The following SALL2 variants were observed in gnomAD, a reference collection of about 807,000 sequenced individuals.
The protein encoded by SALL2 is sal-like protein 2.
In SALL2, 32 loss-of-function variants were observed where a neutral mutation model predicts 58.5. The ratio of observed to expected loss-of-function variants is 0.55; its 90% CI spans 0.41 to 0.74. The LOEUF (loss-of-function observed/expected upper bound fraction) is 0.74. Ranked by LOEUF, SALL2 falls within the 30% of genes least tolerant of loss-of-function variation. SALL2 has a pLI of 0.00. For synonymous variants in SALL2, 516 were observed against 513.6 expected (o/e 1.00, Z -0.06); for missense variants, 1,201 against 1,268.9 (o/e 0.95, Z 0.81).
rs753233714 is a variant in SALL2 at position 21,523,498 on chromosome 14, C to T, written c.2224G>A (p.Gly742Arg). The change falls in exon 2 of 2, where the codon GGG (glycine) becomes AGG (arginine). Residue 742 changes from glycine to arginine, a missense_variant. By Grantham distance (125) the Gly-to-Arg change is moderately radical. Transcript: ENST00000537235. The surrounding 1 kb of genome is among the most constrained non-coding windows in gnomAD (Gnocchi z 4.4). ...TGCTGCTGGGGGAAACTCCGTGCCC[C>T]GGAGACTGTAGATTGCTCGGAGCCA... ...ENGSEQSTVS[G>R]ARSFPQQQSQ... The T allele has an allele frequency of 1.6e-5, 26 of 1,614,100 alleles. No individual in the cohort carries two copies. Among genetic ancestry groups the T allele is most frequent in the East Asian group, 8.9e-5 (4 of 44,896 alleles).
upstream of SALL2, chr14:21,526,468 G>C (rs1396022462): frequency 7.7e-7 from 1 of 1,294,060 alleles, no homozygotes; most frequent in Non-Finnish European, 9.9e-7. Context: ...CAGAGCTCGG[G>C]AGAGTTTCCG....
upstream of SALL2, among the ~76,000 whole-genome samples, chr14:21,529,886 T>A (rs1566516632): frequency 6.6e-6 from 1 of 152,168 alleles, no homozygotes; most frequent in Non-Finnish European, 1.5e-5. Flanking sequence ...CAGGCATTAG[T>A]TTGATAAAGC....
At chr14:21,531,798 C>T (rs888339900) in intron 1 of SALL2, among the ~76,000 whole-genome samples, 7 of 150,204 alleles carry the variant, frequency 4.7e-5, no homozygotes, top group Admixed American at 6.7e-5. Flanking sequence ...GGTGTGATCT[C>T]GGCTCACTGC....
In SALL2 at chr14:21,522,638, G is replaced by C. The variant is rs1018987788; in HGVS notation, c.*66C>G. 1.3e-6 allele frequency: 2 copies of C among 1,495,710 alleles called. No individual in the cohort carries two copies. Among genetic ancestry groups the C allele is most frequent in the Non-Finnish European group, 1.8e-6 (2 of 1,124,074 alleles). The allele number at this position is 1,495,710 out of a possible 1,614,324, so 92.7% of individuals were successfully genotyped here. On this transcript the variant is annotated 3_prime_UTR_variant, in exon 2 of 2. Coordinates refer to ENST00000537235, the MANE Select transcript of SALL2 (RefSeq NM_001364564.1). ...GACAAAATCAGGGCTCATAACTCTGGGAGGTCCTTTTGTGAAGCTGTTTCT... is the reference window on the plus strand; with the variant it reads ...GACAAAATCAGGGCTCATAACTCTGCGAGGTCCTTTTGTGAAGCTGTTTCT...
rs1398811580 is a variant in SALL2, at chr14:21,522,779, G to T, written c.2943C>A (p.Val981=). The part of the protein sequence containing the change: ...GPQNIAALSL[V]PGCSPSITST... ...AGGTGATGGAAGGCGAACAGCCAGG[G>T]ACTAGAGAAAGAGCAGCAATATTCT... The change falls in exon 2 of 2, where the codon GTC becomes GTA. Residue 981 remains valine (V), a synonymous_variant. Coordinates refer to ENST00000537235, the MANE Select transcript of SALL2 (RefSeq NM_001364564.1). 3.1e-6 allele frequency: 5 copies of T among 1,590,610 alleles called. No homozygotes were observed. The highest frequency in any genetic ancestry group is 1.8e-5 in the Admixed American group (1 of 56,196).
At position 21,522,706 on chromosome 14, in the gene SALL2, A is replaced by G. The variant is rs1594455663; in HGVS notation, c.3016T>C (p.Ter1006ArgextTer28). The G allele has an allele frequency of 2.0e-6, 3 of 1,518,216 alleles. No homozygotes were observed. Among genetic ancestry groups the G allele is most frequent in the Non-Finnish European group, 1.8e-6 (2 of 1,134,492 alleles). The allele number at this position is 1,518,216 out of a possible 1,614,324, so 94.0% of individuals were successfully genotyped here. Residue 1006 changes from the stop codon to arginine, a stop_lost, in exon 2 of 2, where the codon TGA becomes CGA. Transcript: ENST00000537235. ...FPRKDDPTIP* is the reference protein window; with the variant it reads ...FPRKDDPTIPR ...GCAGCAGGTACAGAAAAACAGGCTC[A>G]TGGGATCGTGGGGTCATCTTTTCGG...
At chr14:21,535,006 C>A (rs563609991) in intron 1 of SALL2, among the ~76,000 whole-genome samples, 1 of 152,080 alleles carries the variant, frequency 6.6e-6, no homozygotes, top group South Asian at 2.1e-4. Context: ...CAATTTTAGT[C>A]GCCACCAATA....
chr14:21,523,087 G>C lies in SALL2; in HGVS notation c.2635C>G (p.Pro879Ala). The C allele has an allele frequency of 1.2e-6, 2 of 1,614,104 alleles. No individual in the cohort carries two copies. The highest frequency in any genetic ancestry group is 1.7e-6 in the Non-Finnish European group (2 of 1,180,010). The change falls in exon 2 of 2, where the codon CCA (proline) becomes GCA (alanine). Residue 879 changes from proline to alanine, a missense_variant. Physicochemically the swap from Pro to Ala is conservative, Grantham distance 27. Around this residue, in one of 3 missense-constraint regions of SALL2, gnomAD observed 675 missense variants for 683.8 expected, o/e 0.99. Coordinates refer to ENST00000537235, the MANE Select transcript of SALL2 (RefSeq NM_001364564.1). This position sits in a 1 kb window ranked among gnomAD's most constrained non-coding sequence, Gnocchi z 4.4. ...RSSSPASALT[P>A]EGEATSVTLV... is the part of the protein sequence containing the mutation. ...GTCACGCTGGTGGCTTCCCCTTCTG[G>C]GGTGAGTGCTGATGCCGGACTTGAG... is the stretch of plus-strand genomic sequence containing the variant.
At position 21,525,976 on chromosome 14, in the gene SALL2, T is replaced by G; in HGVS notation, c.67+85A>C. The G allele has an allele frequency of 1.6e-6, 2 of 1,257,872 alleles. No homozygotes were observed. The highest frequency in any genetic ancestry group is 2.2e-6 in the Non-Finnish European group (2 of 894,328). 77.9% of individuals were successfully genotyped at this position (1,257,872 alleles called of 1,614,324 possible). On this transcript the variant is annotated intron_variant, in intron 1 of 1. Transcript: ENST00000537235. The surrounding 1 kb of genome is among the most constrained non-coding windows in gnomAD (Gnocchi z 4.4). ...GGGCCTACGCAGAGAATCATGCATT[T>G]TCTCCCACCCACCGAAAGTCTTCGC...
rs1892271244 is a variant in SALL2, at chr14:21,525,628, G to A, written c.94C>T (p.Gln32Ter). Residue 32 changes from glutamine to a stop codon, truncating the protein, a stop_gained, in exon 2 of 2, where the codon CAA becomes TAA. Coordinates refer to ENST00000537235, the MANE Select transcript of SALL2 (RefSeq NM_001364564.1). LOFTEE classifies it high-confidence loss of function. The surrounding 1 kb of genome is among the most constrained non-coding windows in gnomAD (Gnocchi z 4.4). ...TGTGCGCAGCACTTGGCACAGACTT[G>A]GGGGTGATCCTCCTCGCTAGCATCA... Reference protein sequence around the residue: ...GGDASEEDHPQVCAKCCAQFT... With the variant: ...GGDASEEDHP 6.3e-7 allele frequency: 1 copy of A among 1,590,400 alleles called. No homozygotes were observed. Among genetic ancestry groups the A allele is most frequent in the Admixed American group, 1.7e-5 (1 of 58,328 alleles).
In SALL2 at chr14:21,526,232, C is replaced by T. The variant is rs994434856; in HGVS notation, c.-105G>A. On this transcript the variant is annotated 5_prime_UTR_variant, in exon 1 of 2. Coordinates refer to ENST00000537235, the MANE Select transcript of SALL2 (RefSeq NM_001364564.1). ...TGCGGCAGCCTCTGCACCCAGCGGC[C>T]CAGACTGCGGAGATGGAGATCGGCA... 2 of 1,481,826 alleles carry T rather than the reference C, an allele frequency of 1.3e-6. No homozygotes were observed. Among genetic ancestry groups the T allele is most frequent in the Non-Finnish European group, 1.8e-6 (2 of 1,117,476 alleles). The allele number at this position is 1,481,826 out of a possible 1,614,324, so 91.8% of individuals were successfully genotyped here.
At chr14:21,533,734 T>A (rs1470218904) in intron 1 of SALL2, among the ~76,000 whole-genome samples, 1 of 152,218 alleles carries the variant, frequency 6.6e-6, no homozygotes, top group Non-Finnish European at 1.5e-5. Context: ...AAACAGATTT[T>A]TCAGACTGTT....
upstream of SALL2, among the ~76,000 whole-genome samples, chr14:21,530,281 C>CTTTTTTTTTTT (rs34598628): frequency 9.3e-4 from 60 of 64,808 alleles, no homozygotes; most frequent in South Asian, 1.3e-3. Flanking sequence ...TTTTTTCTTT[C>CTTTTTTTTTTT]TTTTTTTTTT....
chr14:21,526,078 T>G lies in SALL2; in HGVS notation c.50A>C (p.Glu17Ala). ...RSSRLGVPCG[E>A]PAELGGDASE... is the part of the protein sequence containing the mutation. The stretch of plus-strand genomic sequence containing the variant: ...TACCGCACCTCCGAGCTCTGCCGGC[T>G]CCCCGCAGGGCACCCCGAGACGAGA... The change falls in exon 1 of 2, where the codon GAG becomes GCG. Residue 17 changes from glutamate to alanine, a missense_variant. Transcript: ENST00000537235. The G allele has an allele frequency of 6.5e-7, 1 of 1,535,204 alleles. No individual in the cohort carries two copies. Among genetic ancestry groups the G allele is most frequent in the South Asian group, 1.2e-5 (1 of 84,032 alleles).
chr14:21,531,766 GTCGCC>G (rs1892471287), intron 1 of SALL2, among the ~76,000 whole-genome samples: 2 of 141,148 alleles, frequency 1.4e-5, no homozygotes, highest in South Asian at 2.2e-4. Context: ...GAGTGCAATG[GTCGCC>G]CAGGCTGGAG....
In SALL2 at chr14:21,522,848, G is replaced by A. The variant is rs78350466; in HGVS notation, c.2874C>T (p.Leu958=). The change falls in exon 2 of 2, where the codon CTC becomes CTT. Residue 958 remains leucine, a synonymous_variant. Coordinates refer to ENST00000537235, the MANE Select transcript of SALL2 (RefSeq NM_001364564.1). ...AGGGCTGTACCTGGTGGTGTGCCAG[G>A]AGCATATGCTTCTTGAGGGTAGCCC... ...LERATLKKHM[L]LAHHQVQPFA... is the part of the protein sequence containing the mutation. 8.1e-6 allele frequency: 13 copies of A among 1,610,828 alleles called. No individual in the cohort carries two copies. Among genetic ancestry groups the A allele is most frequent in the East Asian group, 4.5e-5 (2 of 44,846 alleles).
chr14:21,526,246 T>TG lies in SALL2; in HGVS notation c.-120dup. ...CACCCAGCGGCCCAGACTGCGGAGA[T>TG]GGAGATCGGCAGCGGCGGGGGCAGG... On this transcript the variant is annotated 5_prime_UTR_variant, in exon 1 of 2. Transcript: ENST00000537235. The TG allele has an allele frequency of 7.0e-7, 1 of 1,433,958 alleles. No homozygotes were observed. The highest frequency in any genetic ancestry group is 1.4e-5 in the South Asian group (1 of 71,322). The allele number at this position is 1,433,958 out of a possible 1,614,324, so 88.8% of individuals were successfully genotyped here.
upstream of SALL2, among the ~76,000 whole-genome samples, chr14:21,531,222 T>G (rs751461117): frequency 2.0e-5 from 3 of 152,202 alleles, no homozygotes; most frequent in Non-Finnish European, 4.4e-5. Context: ...TAATGAAAAT[T>G]TCTTTGACTT....
Position 21,524,541 on chromosome 14 carries a change from G to A in SALL2, c.1181C>T (p.Thr394Met), listed in dbSNP as rs1181245709. The A allele has an allele frequency of 5.0e-6, 8 of 1,614,110 alleles. No individual in the cohort carries two copies. Among genetic ancestry groups the A allele is most frequent in the East Asian group, 2.2e-5 (1 of 44,896 alleles). ...ATTGCACTTATAGGGCCTCTCACCC[G>A]TGTGGGAACGAAGGTGGATCTGCAG... ...SALQIHLRSH[T>M]GERPYKCNVC... Residue 394 changes from threonine to methionine, a missense_variant, in exon 2 of 2, where the codon ACG (threonine) becomes ATG (methionine). Coordinates refer to ENST00000537235, the MANE Select transcript of SALL2 (RefSeq NM_001364564.1).
Sources: gnomAD v4.1 joint callset for allele counts (sites outside exome capture counted in the v4.1 genomes callset) on GRCh38, gnomAD v4.1.1 for gene constraint, gnomAD v4.1.1 regional missense constraint, Gnocchi (gnomAD v3.1) non-coding constraint, MANE v1.5 for transcripts, NCBI Gene and HGNC (gene_info 2026-07-23, HGNC 2026-07-21) for gene names.